ZNF562: variants seen among roughly 807,000 people sequenced by gnomAD.
ZNF562 encodes the protein zinc finger protein 562.
ZNF562 carries 13 observed loss-of-function variants against 17.5 expected under a neutral mutation model. That is an observed-to-expected ratio of 0.74 (90% confidence interval 0.48 to 1.18). ZNF562 has a LOEUF of 1.18. Among genes scored for constraint, ZNF562 ranks in the 50% most tolerant of loss-of-function variants. ZNF562 has a pLI of 0.00. For synonymous variants in ZNF562, 163 were observed against 165.4 expected (o/e 0.99, Z 0.11); for missense variants, 481 against 498.5 (o/e 0.96, Z 0.33).
chr19:9,643,699 G>C lies in ZNF562; in HGVS notation c.*9250C>G, dbSNP rs1167106318. ...TAAGTTTTTTGTAGATGGGGGGCTT[G>C]CTATGCTGTCCAGGCAGGTCTCGAA... On this transcript the variant is annotated 3_prime_UTR_variant, in exon 6 of 6. Transcript: ENST00000453372. 1 of 151,180 alleles carries C rather than the reference G, an allele frequency of 6.6e-6. No homozygotes were observed. Among genetic ancestry groups the C allele is most frequent in the Admixed American group, 6.6e-5 (1 of 15,136 alleles). The allele number at this position is 151,180 out of a possible 1,614,324, so 9.4% of individuals were successfully genotyped here.
chr19:9,669,734 GCACACACACACACACACACACA>G (rs71188835), intron 1 of ZNF562, among the ~76,000 whole-genome samples: 4 of 109,300 alleles, frequency 3.7e-5, no homozygotes, highest in Non-Finnish European at 5.6e-5. Flanking sequence ...GCGCGCGCGC[GCACACACACACACACACACACA>G]CACACACACA....
chr19:9,655,145 C>A (rs113434931), intron 5 of ZNF562, among the ~76,000 whole-genome samples: 1 of 151,826 alleles, frequency 6.6e-6, no homozygotes, highest in Non-Finnish European at 1.5e-5. Context: ...TGCATGCCAA[C>A]GTGCCCGGCT....
intron 2 of ZNF562, among the ~76,000 whole-genome samples, chr19:9,659,845 A>C (rs1366326855): frequency 6.8e-6 from 1 of 147,136 alleles, no homozygotes; most frequent in African/African-American, 2.5e-5. Flanking sequence ...TAATCCCAAC[A>C]TTTTGGGAGG....
At chr19:9,669,726 GCGCGCGCGCACACACACACACA>G (rs1241979445) in intron 1 of ZNF562, among the ~76,000 whole-genome samples, 5 of 85,082 alleles carry the variant, frequency 5.9e-5, no homozygotes, top group East Asian at 3.0e-4. Flanking sequence ...GAGCGCGCGC[GCGCGCGCGCACACACACACACA>G]CACACACACA....
rs2074880588 is a variant in ZNF562, at chr19:9,652,399, C to T, written c.*550G>A. 6.6e-6 allele frequency: 1 copy of T among 152,322 alleles called. No homozygotes were observed. The allele number at this position is 152,322 out of a possible 1,614,324, so 9.4% of individuals were successfully genotyped here. A position where few individuals can be genotyped will look rare whatever the true frequency, so the allele number is the denominator to read the frequency against. On this transcript the variant is annotated 3_prime_UTR_variant, in exon 6 of 6. Coordinates refer to ENST00000453372, the MANE Select transcript of ZNF562 (RefSeq NM_001130031.2). ...TTTAACAATCCACCTCTGGGGCCTA[C>T]ATCATCTTGGCTTCTGGTAAATTTT...
chr19:9,654,276 C>T (rs1297947369), intron 5 of ZNF562, among the ~76,000 whole-genome samples: 1 of 151,960 alleles, frequency 6.6e-6, no homozygotes, highest in African/African-American at 2.4e-5. Flanking sequence ...CAGGCGTGAC[C>T]CACCATGCAC....
rs906823449 is a variant in ZNF562 at position 9,643,344 on chromosome 19, ACT to A, written c.*9603_*9604del. The A allele has an allele frequency of 6.6e-6, 1 of 151,594 alleles. No homozygotes were observed. Among genetic ancestry groups the A allele is most frequent in the African/African-American group, 2.4e-5 (1 of 41,154 alleles). 9.4% of individuals were successfully genotyped at this position (151,594 alleles called of 1,614,324 possible). ...ACTCCAGCCTGGGTGACAGAGCGAG[ACT>A]CTGTCATTCATAAATAAATAAGTTT... On this transcript the variant is annotated 3_prime_UTR_variant, in exon 6 of 6. Coordinates refer to ENST00000453372, the MANE Select transcript of ZNF562 (RefSeq NM_001130031.2).
In ZNF562 at chr19:9,655,516, T is replaced by C. The variant is rs114737154; in HGVS notation, c.348+1031A>G. Among the ~76,000 whole-genome samples, 789 of 151,960 alleles carry C rather than the reference T, an allele frequency of 5.2e-3. 9 individuals are homozygous for C. The highest frequency in any genetic ancestry group is 0.018 in the African/African-American group (755 of 41,432). ...GTTTCTTTTTCATGCCAACTCCACC[T>C]CCCGTGTTTAAGCAATTCTGCCTCA... On this transcript the variant is annotated intron_variant, in intron 5 of 5. Transcript: ENST00000453372.
chr19:9,665,809 G>C (rs537639529), intron 1 of ZNF562, among the ~76,000 whole-genome samples: 1 of 152,090 alleles, frequency 6.6e-6, no homozygotes, highest in Non-Finnish European at 1.5e-5. Flanking sequence ...GAGCTCAGGA[G>C]TTCAAGACCT....
rs1220946781 is a variant in ZNF562, at chr19:9,660,800, C to T, written c.-56G>A. 7 of 1,594,520 alleles carry T rather than the reference C, an allele frequency of 4.4e-6. No homozygotes were observed. Among genetic ancestry groups the T allele is most frequent in the African/African-American group, 2.7e-5 (2 of 74,268 alleles). The stretch of plus-strand genomic sequence containing the variant: ...ATGCTGTCTTTCTTGATGCCAAGAT[C>T]GCCTCAGGGCAGCTTATGAATCTAG... On this transcript the variant is annotated 5_prime_UTR_variant, in exon 2 of 6. Coordinates refer to ENST00000453372, the MANE Select transcript of ZNF562 (RefSeq NM_001130031.2).
At chr19:9,663,862 T>A (rs532705399) in intron 1 of ZNF562, among the ~76,000 whole-genome samples, 12 of 152,056 alleles carry the variant, frequency 7.9e-5, no homozygotes, top group Non-Finnish European at 1.3e-4. Context: ...GTGATTCTCC[T>A]GCCACAGCCT....
chr19:9,656,588 G>A lies in ZNF562; in HGVS notation c.307C>T (p.Gln103Ter). ...AATATTTGATTCTTCAAAAAACCCTGCTGAAGTGATGACCGTTTGGTTCTA... is the reference window on the plus strand; with the variant it reads ...AATATTTGATTCTTCAAAAAACCCTACTGAAGTGATGACCGTTTGGTTCTA... ...QPRTKRSSLQ[Q>*]GFLKNQIFTG... The change falls in exon 5 of 6, where the codon CAG (glutamine) becomes TAG (stop). Residue 103 changes from glutamine to a stop codon, truncating the protein, a stop_gained. Coordinates refer to ENST00000453372, the MANE Select transcript of ZNF562 (RefSeq NM_001130031.2). LOFTEE classifies it low-confidence loss of function (END_TRUNC). 1 of 1,614,038 alleles carries A rather than the reference G, an allele frequency of 6.2e-7. No homozygotes were observed. The highest frequency in any genetic ancestry group is 8.5e-7 in the Non-Finnish European group (1 of 1,180,002).
Position 9,644,205 on chromosome 19 carries a change from A to T in ZNF562, c.*8744T>A, listed in dbSNP as rs2074791798. The T allele has an allele frequency of 6.6e-6, 1 of 152,160 alleles. No individual in the cohort carries two copies. The highest frequency in any genetic ancestry group is 2.4e-5 in the African/African-American group (1 of 41,444). The allele number at this position is 152,160 out of a possible 1,614,324, so 9.4% of individuals were successfully genotyped here. ...GATACATATATACATCTTGTACTGCATCATAAAAAGATTTAGCAAGATTTG... is the reference window on the plus strand; with the variant it reads ...GATACATATATACATCTTGTACTGCTTCATAAAAAGATTTAGCAAGATTTG... On this transcript the variant is annotated 3_prime_UTR_variant, in exon 6 of 6. Coordinates refer to ENST00000453372, the MANE Select transcript of ZNF562 (RefSeq NM_001130031.2).
rs1229318883 is a variant in ZNF562 at position 9,644,636 on chromosome 19, T to C, written c.*8313A>G. 1 of 152,202 alleles carries C rather than the reference T, an allele frequency of 6.6e-6. No homozygotes were observed. The highest frequency in any genetic ancestry group is 1.5e-5 in the Non-Finnish European group (1 of 68,050). The allele number at this position is 152,202 out of a possible 1,614,324, so 9.4% of individuals were successfully genotyped here. On this transcript the variant is annotated 3_prime_UTR_variant, in exon 6 of 6. Coordinates refer to ENST00000453372, the MANE Select transcript of ZNF562 (RefSeq NM_001130031.2). Reference sequence around the variant, plus strand: ...ATATGGCAGAAGGCAAGAGAGCCTGTCCAGGGGAACAGCTGCTTATAAAAC... The same window carrying C: ...ATATGGCAGAAGGCAAGAGAGCCTGCCCAGGGGAACAGCTGCTTATAAAAC...
At position 9,646,329 on chromosome 19, in the gene ZNF562, C is replaced by T. The variant is rs1359293188; in HGVS notation, c.*6620G>A. 6.6e-6 allele frequency: 1 copy of T among 152,094 alleles called. No individual in the cohort carries two copies. Among genetic ancestry groups the T allele is most frequent in the Non-Finnish European group, 1.5e-5 (1 of 68,040 alleles). 9.4% of individuals were successfully genotyped at this position (152,094 alleles called of 1,614,324 possible). Reference sequence around the variant, plus strand: ...CAGGTGATCACCTGCCTTGGCCTCCCAAAGTGCTGTGATTACAGACATCAG... The same window carrying T: ...CAGGTGATCACCTGCCTTGGCCTCCTAAAGTGCTGTGATTACAGACATCAG... On this transcript the variant is annotated 3_prime_UTR_variant, in exon 6 of 6. Coordinates refer to ENST00000453372, the MANE Select transcript of ZNF562 (RefSeq NM_001130031.2).
chr19:9,665,176 C>T (rs552549168), intron 1 of ZNF562, among the ~76,000 whole-genome samples: 107 of 148,530 alleles, frequency 7.2e-4, no homozygotes, highest in Non-Finnish European at 1.4e-3. Flanking sequence ...GAGCCAAGAT[C>T]GTGCCACTGC....
Position 9,644,975 on chromosome 19 carries a change from T to G in ZNF562, c.*7974A>C, listed in dbSNP as rs2144939110. Reference sequence around the variant, plus strand: ...CCTCCTGAGTCCCTAAGCAGAGGAATACGAATTCAAATCTTGATTTTCTCA... The same window carrying G: ...CCTCCTGAGTCCCTAAGCAGAGGAAGACGAATTCAAATCTTGATTTTCTCA... On this transcript the variant is annotated 3_prime_UTR_variant, in exon 6 of 6. Coordinates refer to ENST00000453372, the MANE Select transcript of ZNF562 (RefSeq NM_001130031.2). 1 of 152,176 alleles carries G rather than the reference T, an allele frequency of 6.6e-6. No homozygotes were observed. Among genetic ancestry groups the G allele is most frequent in the Non-Finnish European group, 1.5e-5 (1 of 68,016 alleles). The allele number at this position is 152,176 out of a possible 1,614,324, so 9.4% of individuals were successfully genotyped here. A position where few individuals can be genotyped will look rare whatever the true frequency, so the allele number is the denominator to read the frequency against.
At position 9,659,367 on chromosome 19, in the gene ZNF562, T is replaced by C. The variant is rs370708613; in HGVS notation, c.114+12A>G. The C allele has an allele frequency of 2.5e-5, 38 of 1,548,910 alleles. No individual in the cohort carries two copies. In the African/African-American group the frequency reaches 3.7e-4, roughly 15 times the overall value. ...GTATGTCATTTTGTACAACGGTACA[T>C]TTTCTGTTTACCTGGTAAGAATTTG... is the stretch of plus-strand genomic sequence containing the variant. On this transcript the variant is annotated intron_variant, in intron 3 of 5. Coordinates refer to ENST00000453372, the MANE Select transcript of ZNF562 (RefSeq NM_001130031.2).
chr19:9,664,218 A>G (rs1260901270), intron 1 of ZNF562, among the ~76,000 whole-genome samples: 1 of 152,092 alleles, frequency 6.6e-6, no homozygotes, highest in Non-Finnish European at 1.5e-5. Context: ...ACAGGCATAC[A>G]TCACCACACC....
Sources: allele counts gnomAD v4.1 joint callset (sites outside exome capture counted in the v4.1 genomes callset), GRCh38; gene constraint gnomAD v4.1.1; transcripts MANE v1.5; gene names NCBI Gene and HGNC (gene_info 2026-07-23, HGNC 2026-07-21).